The following KDM4C variants were observed in gnomAD, a reference collection of about 807,000 sequenced individuals.
KDM4C encodes the protein lysine-specific demethylase 4C.
In KDM4C, 81 loss-of-function variants were observed where a neutral mutation model predicts 129.3. The observed-to-expected ratio is 0.63, with a 90% CI of 0.52 to 0.75. The LOEUF (loss-of-function observed/expected upper bound fraction) is 0.75. KDM4C is among the 30% of genes least tolerant of loss of function. KDM4C has a pLI of 0.00. For synonymous variants in KDM4C, 573 were observed against 456.1 expected (o/e 1.26, Z -3.26); for missense variants, 1,457 against 1,304.0 (o/e 1.12, Z -1.81).
At chr9:7,131,968 T>C (rs1840691049) in intron 19 of KDM4C, among the ~76,000 whole-genome samples, 1 of 152,220 alleles carries the variant, frequency 6.6e-6, no homozygotes, top group African/African-American at 2.4e-5. Context: ...ACAATGTGCA[T>C]ATCAGATGTG....
chr9:7,167,366 A>G (rs1172477913), intron 20 of KDM4C, among the ~76,000 whole-genome samples: 2 of 152,148 alleles, frequency 1.3e-5, no homozygotes, highest in Non-Finnish European at 2.9e-5. Flanking sequence ...TAGTCCTAGC[A>G]CAGCATACTC....
At chr9:6,867,751 A>C (rs1842266283) in intron 5 of KDM4C, among the ~76,000 whole-genome samples, 1 of 152,232 alleles carries the variant, frequency 6.6e-6, no homozygotes. Context: ...CAATAATACC[A>C]TGAACATGTG....
intron 1 of KDM4C, among the ~76,000 whole-genome samples, chr9:6,781,055 G>A (rs57832575): frequency 0.096 from 14,658 of 152,056 alleles, 825 homozygotes; most frequent in Non-Finnish European, 0.11. Context: ...GCCCCTCATG[G>A]CATTGTCTCT....
chr9:6,859,743 G>A (rs1717100436), intron 5 of KDM4C, among the ~76,000 whole-genome samples: 1 of 151,744 alleles, frequency 6.6e-6, no homozygotes, highest in Admixed American at 6.6e-5. Flanking sequence ...GCAGGCGCCT[G>A]TAGTCCTAGC....
chr9:6,867,360 G>A (rs1223899829), intron 5 of KDM4C, among the ~76,000 whole-genome samples: 1 of 152,138 alleles, frequency 6.6e-6, no homozygotes, highest in Non-Finnish European at 1.5e-5. Flanking sequence ...TGTGGGAGGA[G>A]TGAATCCAGC....
chr9:7,019,023 A>C (rs973300597), intron 15 of KDM4C, among the ~76,000 whole-genome samples: 6 of 152,148 alleles, frequency 3.9e-5, no homozygotes, highest in African/African-American at 1.2e-4. Context: ...AGTGGATTCC[A>C]CTTGTTTTTT....
chr9:7,147,968 C>T (rs1009279128), intron 19 of KDM4C, among the ~76,000 whole-genome samples: 4 of 152,198 alleles, frequency 2.6e-5, no homozygotes, highest in African/African-American at 4.8e-5. Context: ...GCTACTGGCC[C>T]GGATCCCGTG....
At chr9:6,819,383 C>G (rs758682856) in intron 4 of KDM4C, among the ~76,000 whole-genome samples, 1 of 152,140 alleles carries the variant, frequency 6.6e-6, no homozygotes, top group Non-Finnish European at 1.5e-5. Context: ...TTATTAAAAT[C>G]CAATGAACAA....
intron 17 of KDM4C, among the ~76,000 whole-genome samples, chr9:7,103,150 G>T (rs1203253483): frequency 1.3e-5 from 2 of 152,094 alleles, no homozygotes; most frequent in African/African-American, 4.8e-5. Flanking sequence ...ATTATTAAAC[G>T]CTAGTTTCCA....
intron 15 of KDM4C, among the ~76,000 whole-genome samples, chr9:7,027,852 G>A (rs528315583): frequency 3.6e-4 from 55 of 152,302 alleles, no homozygotes; most frequent in African/African-American, 1.1e-3. Context: ...TGGCAGAGGA[G>A]CCTCAGCCCA....
At chr9:7,005,095 G>T (rs892281604) in intron 12 of KDM4C, among the ~76,000 whole-genome samples, 1 of 152,164 alleles carries the variant, frequency 6.6e-6, no homozygotes, top group Non-Finnish European at 1.5e-5. Flanking sequence ...GGCTTCCTGA[G>T]TAGAAAGCAA....
chr9:7,056,313 G>A (rs953808986), intron 17 of KDM4C, among the ~76,000 whole-genome samples: 1 of 150,454 alleles, frequency 6.6e-6, no homozygotes, highest in Admixed American at 6.7e-5. Flanking sequence ...ACATACATAT[G>A]TCTCCAGCTT....
chr9:6,904,656 G>T (rs542052737), intron 8 of KDM4C, among the ~76,000 whole-genome samples: 14 of 152,166 alleles, frequency 9.2e-5, no homozygotes, highest in Non-Finnish European at 1.8e-4. Context: ...TACTGGAAGA[G>T]ATTTATAATG....
intron 18 of KDM4C, among the ~76,000 whole-genome samples, chr9:7,107,169 C>G (rs1837789339): frequency 1.3e-5 from 2 of 152,216 alleles, no homozygotes; most frequent in African/African-American, 4.8e-5. Flanking sequence ...GTCCGCTTCA[C>G]CACCCTGTGC....
chr9:7,168,073 A>G (rs892231936), intron 20 of KDM4C, among the ~76,000 whole-genome samples: 23 of 152,188 alleles, frequency 1.5e-4, no homozygotes, highest in African/African-American at 5.3e-4. Context: ...TTATAATTAC[A>G]GCTACTTGAG....
At chr9:6,994,656 T>A (rs1221341196) in intron 12 of KDM4C, among the ~76,000 whole-genome samples, 1 of 152,174 alleles carries the variant, frequency 6.6e-6, no homozygotes, top group African/African-American at 2.4e-5. Flanking sequence ...CAGTAATACT[T>A]GAAATCAGCC....
At chr9:7,091,702 G>T (rs868198438) in intron 17 of KDM4C, among the ~76,000 whole-genome samples, 1 of 152,146 alleles carries the variant, frequency 6.6e-6, no homozygotes, top group African/African-American at 2.4e-5. Flanking sequence ...CATAGACTGA[G>T]AATATTGAGT....
rs187715149 is a variant in KDM4C, at chr9:7,125,802, C to T, written c.2611-2264C>T. Among the ~76,000 whole-genome samples the T allele has an allele frequency of 2.6e-3, 402 of 152,246 alleles. 1 individual carries two copies. Among genetic ancestry groups the T allele is most frequent in the Non-Finnish European group, 4.7e-3 (320 of 68,020 alleles). Reference sequence around the variant, plus strand: ...CCCTTGGGGATTATGAAGGCCTGGACCTTCCCATGAGCTTGGTTCAGGGCC... The same window carrying T: ...CCCTTGGGGATTATGAAGGCCTGGATCTTCCCATGAGCTTGGTTCAGGGCC... On this transcript the variant is annotated intron_variant, in intron 18 of 21. Transcript: ENST00000381309.
chr9:6,914,022 C>A (rs1589074847), intron 8 of KDM4C, among the ~76,000 whole-genome samples: 1 of 152,128 alleles, frequency 6.6e-6, no homozygotes, highest in Non-Finnish European at 1.5e-5. Context: ...CAGTTGAAAG[C>A]CTGAGACTGT....
Sources: allele counts gnomAD v4.1 joint callset (sites outside exome capture counted in the v4.1 genomes callset), GRCh38; gene constraint gnomAD v4.1.1; transcripts MANE v1.5; gene names NCBI Gene and HGNC (gene_info 2026-07-23, HGNC 2026-07-21).